MYO5B: variants seen among roughly 807,000 people sequenced by gnomAD.
The protein encoded by MYO5B is unconventional myosin-Vb.
A neutral mutation model predicts 229.3 loss-of-function variants in MYO5B; 143 were observed. That is an observed-to-expected ratio of 0.62 (90% confidence interval 0.54 to 0.72). The LOEUF is 0.72. MYO5B is among the 30% of genes least tolerant of loss of function. MYO5B has a pLI of 0.00. For missense variants in MYO5B, 2,321 were observed against 2,331.0 expected, an observed-to-expected ratio of 1.00 and a Z score of 0.09; for synonymous variants, 918 against 885.2, an observed-to-expected ratio of 1.04 and a Z score of -0.66.
chr18:50,122,439 T>TGAAAA (rs536027119), intron 1 of MYO5B, among the ~76,000 whole-genome samples: 1 of 41,878 alleles, frequency 2.4e-5, no homozygotes, highest in Non-Finnish European at 3.9e-5. Context: ...CTGTCTCAAC[T>TGAAAA]AAAAAAAAAA....
At chr18:49,969,589 C>G (rs1196939492) in intron 10 of MYO5B, 1 of 152,154 alleles carries the variant, frequency 6.6e-6, no homozygotes, top group Non-Finnish European at 1.5e-5. Flanking sequence ...TGCGTTTTGT[C>G]CAATTCTTTG....
At chr18:49,836,512 T>C (rs1468653674) in intron 38 of MYO5B, among the ~76,000 whole-genome samples, 199 bp downstream of exon 38, 2 of 152,186 alleles carry the variant, frequency 1.3e-5, no homozygotes, top group Non-Finnish European at 2.9e-5. Context: ...ACAGTATCTG[T>C]GGCATCTTGT....
chr18:50,043,476 T>TATATATATTTTTATATATAA (rs1568083468), intron 2 of MYO5B, among the ~76,000 whole-genome samples: 1 of 86,436 alleles, frequency 1.2e-5, no homozygotes, highest in African/African-American at 4.5e-5. Context: ...TATATTTACA[T>TATATATATTTTTATATATAA]ATATAAATAT....
At chr18:49,861,702 C>G (rs1001968917) in intron 29 of MYO5B, among the ~76,000 whole-genome samples, 3 of 152,154 alleles carry the variant, frequency 2.0e-5, no homozygotes, top group Admixed American at 6.5e-5. Context: ...CGGATTCTAC[C>G]TTGACTCAGG....
chr18:50,185,383 A>T (rs1003637296), intron 1 of MYO5B, among the ~76,000 whole-genome samples: 1 of 152,200 alleles, frequency 6.6e-6, no homozygotes, highest in African/African-American at 2.4e-5. Flanking sequence ...GCTATTGGCC[A>T]TATCAATGAA....
chr18:49,925,236 A>C (rs2025116029), intron 17 of MYO5B, among the ~76,000 whole-genome samples: 1 of 152,270 alleles, frequency 6.6e-6, no homozygotes, highest in African/African-American at 2.4e-5. Flanking sequence ...CCTTTATCAT[A>C]ACCCAGACAG....
intron 4 of MYO5B, among the ~76,000 whole-genome samples, chr18:50,002,162 T>C (rs1352489069): frequency 6.6e-6 from 1 of 152,176 alleles, no homozygotes; most frequent in Non-Finnish European, 1.5e-5. Flanking sequence ...GATCTTTTCT[T>C]CTCCTCCTGC....
chr18:49,910,253 C>G (rs2024943239), intron 18 of MYO5B, among the ~76,000 whole-genome samples: 1 of 152,150 alleles, frequency 6.6e-6, no homozygotes, highest in South Asian at 2.1e-4. Context: ...CCGACTCAGC[C>G]AGTCTGATCC....
intron 1 of MYO5B, among the ~76,000 whole-genome samples, chr18:50,147,639 CT>C (rs1219286218): frequency 6.6e-6 from 1 of 152,182 alleles, no homozygotes; most frequent in Non-Finnish European, 1.5e-5. Context: ...CTTTCCATGG[CT>C]TTAACTAAAA....
At chr18:49,942,361 C>T (rs1459612636) in intron 14 of MYO5B, among the ~76,000 whole-genome samples, 1 of 117,218 alleles carries the variant, frequency 8.5e-6, no homozygotes, top group Admixed American at 9.6e-5. Flanking sequence ...TCTAATTAAA[C>T]TAAAGAGCTT....
intron 2 of MYO5B, among the ~76,000 whole-genome samples, chr18:50,042,787 C>G (rs1400548941): frequency 6.6e-6 from 1 of 152,172 alleles, no homozygotes; most frequent in Non-Finnish European, 1.5e-5. Context: ...GGGCTCTGCA[C>G]CCAGCTCAGA....
chr18:50,027,666 G>C (rs1281173757), intron 4 of MYO5B, among the ~76,000 whole-genome samples: 5 of 152,228 alleles, frequency 3.3e-5, no homozygotes, highest in Admixed American at 2.0e-4. Context: ...TAAGTGACTA[G>C]TACCTGGAGA....
At chr18:50,157,503 A>T (rs558342623) in intron 1 of MYO5B, among the ~76,000 whole-genome samples, 1 of 152,232 alleles carries the variant, frequency 6.6e-6, no homozygotes, top group East Asian at 1.9e-4. Flanking sequence ...CCTTTCTTCC[A>T]GTTCCTCCAA....
At chr18:49,939,174 TC>T (rs2025286327) in intron 14 of MYO5B, among the ~76,000 whole-genome samples, 1 of 135,340 alleles carries the variant, frequency 7.4e-6, no homozygotes, top group Non-Finnish European at 1.6e-5. Context: ...TTTGAAACAG[TC>T]TCGCTCTGTT....
chr18:50,182,750 T>C (rs2144350557), intron 1 of MYO5B, among the ~76,000 whole-genome samples: 2 of 152,264 alleles, frequency 1.3e-5, no homozygotes, highest in South Asian at 4.1e-4. Flanking sequence ...CTTTCCAAAA[T>C]CACAGAAGGT....
In MYO5B at chr18:49,917,393, T is replaced by C. The variant is rs559202795; in HGVS notation, c.2091-5220A>G. 3.6e-3 allele frequency among the ~76,000 whole-genome samples: 551 copies of C among 152,008 alleles called. 2 individuals carry two copies. The highest frequency in any genetic ancestry group is 4.8e-3 in the Non-Finnish European group (326 of 67,932). On this transcript the variant is annotated intron_variant, in intron 17 of 39. Coordinates refer to ENST00000285039, the MANE Select transcript of MYO5B (RefSeq NM_001080467.3). ...TGGGTGTGGGACAGTCCTAACACCA[T>C]GCAGCATCTTTGGATCATTATCCCC...
chr18:50,001,362 T>G lies in MYO5B; in HGVS notation c.505A>C (p.Lys169Gln). Residue 169 changes from lysine to glutamine, a missense_variant, in exon 5 of 40, where the codon AAG (lysine) becomes CAG (glutamine). Lys to Gln is a moderately conservative substitution (Grantham distance 53, BLOSUM62 1). Around this residue, in one of 2 missense-constraint regions of MYO5B, gnomAD observed 2,113 missense variants for 2,044.7 expected, o/e 1.03. Transcript: ENST00000285039. The stretch of plus-strand genomic sequence containing the variant: ...ATGGCATACTTGGCTGATACCGTCT[T>G]CCCGGCTCCAGACTCCCCACTGACT... Reference protein sequence around the residue: ...IIVSGESGAGKTVSAKYAMRY... With the variant: ...IIVSGESGAGQTVSAKYAMRY... 1 of 1,614,166 alleles carries G rather than the reference T, an allele frequency of 6.2e-7. No homozygotes were observed. The highest frequency in any genetic ancestry group is 8.5e-7 in the Non-Finnish European group (1 of 1,180,004).
chr18:49,960,133 A>G (rs2025541672), intron 12 of MYO5B, among the ~76,000 whole-genome samples: 1 of 152,038 alleles, frequency 6.6e-6, no homozygotes, highest in Admixed American at 6.5e-5. Flanking sequence ...TCTAAACCCC[A>G]GCTCACTACC....
intron 2 of MYO5B, among the ~76,000 whole-genome samples, chr18:50,052,276 T>C (rs1434494362): frequency 6.6e-6 from 1 of 151,802 alleles, no homozygotes; most frequent in African/African-American, 2.4e-5. Flanking sequence ...TGCGGCACTA[T>C]TCACAATAGC....
Sources: allele counts gnomAD v4.1 joint callset (sites outside exome capture counted in the v4.1 genomes callset), GRCh38; gene constraint gnomAD v4.1.1; regional missense constraint gnomAD v4.1.1; transcripts MANE v1.5; gene names NCBI Gene and HGNC (gene_info 2026-07-23, HGNC 2026-07-21).